The following TRIM55 variants were observed in gnomAD, a reference collection of about 807,000 sequenced individuals.
TRIM55 encodes the protein tripartite motif containing 55.
Under a neutral mutation model 60.9 loss-of-function variants are expected in TRIM55, and 50 were observed. The observed-to-expected ratio is 0.82, with a 90% confidence interval of 0.65 to 1.04. The LOEUF (loss-of-function observed/expected upper bound fraction) is 1.04. Among genes scored for constraint, TRIM55 ranks in the 50% least tolerant of loss-of-function variants. TRIM55 has a pLI of 0.00. For missense variants in TRIM55, 681 were observed against 666.9 expected, an observed-to-expected ratio of 1.02 and a Z score of -0.23; for synonymous variants, 237 against 238.1, an observed-to-expected ratio of 1.00 and a Z score of 0.04.
At chr8:66,125,212 C>T (rs1808774287), upstream of TRIM55, among the ~76,000 whole-genome samples, 1 of 152,260 alleles carries the variant, frequency 6.6e-6, no homozygotes, top group Non-Finnish European at 1.5e-5. Context: ...TTAACCTTGA[C>T]AAAACAAACT....
At chr8:66,155,179 GTGAT>G (rs1175678837) in intron 9 of TRIM55, among the ~76,000 whole-genome samples, 41 of 152,194 alleles carry the variant, frequency 2.7e-4, no homozygotes, top group Non-Finnish European at 3.2e-4. Context: ...GGGTCATCAG[GTGAT>G]TGATTATGAA....
the TRIM55 span, among the ~76,000 whole-genome samples, chr8:66,119,766 A>G: frequency 6.6e-6 from 1 of 152,112 alleles, no homozygotes; most frequent in African/African-American, 2.4e-5. Flanking sequence ...TTTATATCTC[A>G]TGTTCTAGGG....
At chr8:66,128,597 T>C (rs930123479) in intron 2 of TRIM55, 121 bp downstream of exon 2, 1 of 1,149,252 alleles carries the variant, frequency 8.7e-7, no homozygotes, top group Non-Finnish European at 1.2e-6. Flanking sequence ...TATGGAAAAA[T>C]GGTTTTCCAA....
chr8:66,158,887 A>G (rs1341736736), intron 9 of TRIM55, among the ~76,000 whole-genome samples: 1 of 152,228 alleles, frequency 6.6e-6, no homozygotes, highest in Non-Finnish European at 1.5e-5. Context: ...CATGAACTCC[A>G]CAGCCATGAT....
rs73693932 is a variant in TRIM55, at chr8:66,169,897, A to T, written c.1525-4574A>T. On this transcript the variant is annotated intron_variant, in intron 9 of 9. Transcript: ENST00000315962. The stretch of plus-strand genomic sequence containing the variant: ...AATGTGATGTTGCCTGAATTTTTTT[A>T]AAATTTTTTATTCTAGTAAAGAATG... Among the ~76,000 whole-genome samples the T allele has an allele frequency of 3.1e-3, 478 of 152,322 alleles. 1 individual carries two copies. Among genetic ancestry groups the T allele is most frequent in the African/African-American group, 7.6e-3 (317 of 41,568 alleles).
At chr8:66,134,949 A>G (rs773133029) in intron 2 of TRIM55, 41 bp from the exon 3 acceptor site, 2 of 1,607,434 alleles carry the variant, frequency 1.2e-6, no homozygotes, top group Admixed American at 3.4e-5. Context: ...AGATTGCCCC[A>G]GTGAGAGCTG....
chr8:66,123,444 T>C (rs1253781109), upstream of TRIM55, among the ~76,000 whole-genome samples: 4 of 152,204 alleles, frequency 2.6e-5, no homozygotes, highest in Non-Finnish European at 5.9e-5. Context: ...CTCTTTTTCA[T>C]TGACATTCAT....
intron 9 of TRIM55, among the ~76,000 whole-genome samples, chr8:66,156,614 A>G (rs901044995): frequency 6.6e-6 from 1 of 152,122 alleles, no homozygotes; most frequent in Non-Finnish European, 1.5e-5. Context: ...CCTGAGACCC[A>G]ACTCCTTGTT....
At chr8:66,150,674 T>A (rs571008880) in intron 7 of TRIM55, among the ~76,000 whole-genome samples, 2 of 134,100 alleles carry the variant, frequency 1.5e-5, no homozygotes, top group East Asian at 4.1e-4. Context: ...ATATGGTGCC[T>A]TTTTTTTTTT....
At chr8:66,146,122 T>G (rs183502101) in intron 4 of TRIM55, among the ~76,000 whole-genome samples, 1 of 152,328 alleles carries the variant, frequency 6.6e-6, no homozygotes, top group Non-Finnish European at 1.5e-5. Flanking sequence ...TAATAGACAC[T>G]GATCCAGTAC....
intron 9 of TRIM55, among the ~76,000 whole-genome samples, chr8:66,157,312 AG>A (rs927466483): frequency 3.9e-5 from 6 of 152,202 alleles, no homozygotes; most frequent in Admixed American, 6.5e-5. Flanking sequence ...CCTTTCACAT[AG>A]AGAAGGACAC....
chr8:66,171,644 C>T (rs1301757856), intron 9 of TRIM55, among the ~76,000 whole-genome samples: 2 of 152,162 alleles, frequency 1.3e-5, no homozygotes, highest in Non-Finnish European at 2.9e-5. Flanking sequence ...CATCACTATT[C>T]CCAAGAAATA....
intron 9 of TRIM55, among the ~76,000 whole-genome samples, chr8:66,169,938 C>A (rs531951434): frequency 6.6e-6 from 1 of 152,140 alleles, no homozygotes; most frequent in East Asian, 1.9e-4. Context: ...TATAGATTTA[C>A]CATCTTAACC....
At chr8:66,159,972 T>G (rs1312757500) in intron 9 of TRIM55, among the ~76,000 whole-genome samples, 3 of 152,242 alleles carry the variant, frequency 2.0e-5, no homozygotes, top group Non-Finnish European at 4.4e-5. Context: ...TCTCCCAGTC[T>G]GTGGCTTTCC....
chr8:66,163,112 A>G (rs1811140033), intron 9 of TRIM55, among the ~76,000 whole-genome samples: 1 of 152,138 alleles, frequency 6.6e-6, no homozygotes. Context: ...TCCCTCCCCC[A>G]GTACCACACT....
intron 9 of TRIM55, among the ~76,000 whole-genome samples, chr8:66,171,730 G>A (rs1425452796): frequency 6.6e-6 from 1 of 152,186 alleles, no homozygotes; most frequent in Non-Finnish European, 1.5e-5. Flanking sequence ...TCCATCTCGG[G>A]AAGGCTGTAG....
intron 9 of TRIM55, among the ~76,000 whole-genome samples, chr8:66,162,475 G>GTT (rs199962056): frequency 2.1e-5 from 3 of 144,774 alleles, no homozygotes; most frequent in African/African-American, 2.5e-5. Flanking sequence ...TTGGTCTGTA[G>GTT]TTTTTTTTTT....
intron 9 of TRIM55, among the ~76,000 whole-genome samples, chr8:66,161,540 T>C (rs1351204693): frequency 6.6e-6 from 1 of 152,056 alleles, no homozygotes; most frequent in Admixed American, 6.6e-5. Context: ...GAATTTTGGA[T>C]TCTTTTTTCT....
the TRIM55 span, among the ~76,000 whole-genome samples, chr8:66,114,046 T>TA: frequency 6.8e-6 from 1 of 146,876 alleles, no homozygotes; most frequent in Non-Finnish European, 1.5e-5. Flanking sequence ...TGGCCATCCT[T>TA]AGGTCGCTGG....
Sources: gnomAD v4.1 joint callset for allele counts (sites outside exome capture counted in the v4.1 genomes callset) on GRCh38, gnomAD v4.1.1 for gene constraint, MANE v1.5 for transcripts, NCBI Gene and HGNC (gene_info 2026-07-23, HGNC 2026-07-21) for gene names.